The following PDGFD variants were observed in gnomAD, a reference collection of about 807,000 sequenced individuals.
The protein encoded by PDGFD is platelet-derived growth factor D.
Under a neutral mutation model 44.7 loss-of-function variants are expected in PDGFD, and 30 were observed. The observed-to-expected ratio is 0.67, with a 90% CI of 0.50 to 0.91. PDGFD has a LOEUF of 0.91. Among genes scored for constraint, PDGFD ranks in the 40% least tolerant of loss-of-function variants. PDGFD has a pLI of 0.00. For missense variants in PDGFD, 445 were observed against 457.8 expected, an observed-to-expected ratio of 0.97 and a Z score of 0.25; for synonymous variants, 173 against 168.4, an observed-to-expected ratio of 1.03 and a Z score of -0.21.
intron 1 of PDGFD, among the ~76,000 whole-genome samples, chr11:104,101,003 T>C (rs1398313285): frequency 3.7e-4 from 56 of 152,160 alleles, no homozygotes; most frequent in Admixed American, 3.3e-3. Context: ...TCATACTGAA[T>C]GGGCAAAAAC....
At chr11:103,912,054 C>A (rs1858036811) in intron 6 of PDGFD, among the ~76,000 whole-genome samples, 1 of 152,162 alleles carries the variant, frequency 6.6e-6, no homozygotes, top group Non-Finnish European at 1.5e-5. Context: ...GGAAAACACT[C>A]TTCAGGGTAT....
intron 3 of PDGFD, among the ~76,000 whole-genome samples, chr11:103,962,358 G>A (rs369418020): frequency 1.4e-3 from 206 of 152,186 alleles, no homozygotes; most frequent in South Asian, 0.01. Flanking sequence ...AATCCCTTAA[G>A]TACTTTATGA....
chr11:104,116,599 CA>C (rs1317542045), intron 1 of PDGFD, among the ~76,000 whole-genome samples: 1 of 151,916 alleles, frequency 6.6e-6, no homozygotes, highest in African/African-American at 2.4e-5. Flanking sequence ...AACTACAGAC[CA>C]ATATCCCTGA....
intron 1 of PDGFD, among the ~76,000 whole-genome samples, chr11:104,142,121 C>G (rs1166322410): frequency 6.6e-6 from 1 of 152,106 alleles, no homozygotes; most frequent in Non-Finnish European, 1.5e-5. Context: ...ATATCACATA[C>G]ACATCCTTAT....
At chr11:104,029,507 T>C (rs1409329389) in intron 1 of PDGFD, among the ~76,000 whole-genome samples, 1 of 152,226 alleles carries the variant, frequency 6.6e-6, no homozygotes, top group Admixed American at 6.5e-5. Flanking sequence ...TATAAGACAG[T>C]TGTGGAAACA....
At chr11:103,982,386 T>C (rs1252664752) in intron 3 of PDGFD, among the ~76,000 whole-genome samples, 1 of 151,828 alleles carries the variant, frequency 6.6e-6, no homozygotes, top group African/African-American at 2.4e-5. Context: ...TAATAGACGC[T>C]GCAGGTGTGA....
intron 1 of PDGFD, among the ~76,000 whole-genome samples, chr11:104,130,064 G>A (rs576157437): frequency 6.6e-6 from 1 of 150,718 alleles, no homozygotes; most frequent in Non-Finnish European, 1.5e-5. Context: ...GGGAATTAAA[G>A]GGGGTTGACA....
chr11:104,030,318 C>A (rs1161438225), intron 1 of PDGFD, among the ~76,000 whole-genome samples: 2 of 152,182 alleles, frequency 1.3e-5, no homozygotes, highest in African/African-American at 4.8e-5. Flanking sequence ...ACGCAGACAA[C>A]ATCCACCTAG....
intron 1 of PDGFD, among the ~76,000 whole-genome samples, chr11:104,065,037 T>G (rs1190406953): frequency 1.3e-5 from 2 of 152,172 alleles, no homozygotes; most frequent in Non-Finnish European, 2.9e-5. Flanking sequence ...GCTGTCAGCA[T>G]GGCCAGAATA....
intron 1 of PDGFD, among the ~76,000 whole-genome samples, chr11:104,064,507 T>A (rs763852431): frequency 6.6e-6 from 1 of 152,158 alleles, no homozygotes; most frequent in Non-Finnish European, 1.5e-5. Context: ...ACTCAGTACA[T>A]AGATGACAGT....
intron 1 of PDGFD, among the ~76,000 whole-genome samples, chr11:104,088,608 T>C (rs1253341557): frequency 6.6e-6 from 1 of 152,180 alleles, no homozygotes; most frequent in Non-Finnish European, 1.5e-5. Context: ...TATTACAACT[T>C]GGGAGGAACT....
chr11:104,034,072 C>A (rs868019419), intron 1 of PDGFD, among the ~76,000 whole-genome samples: 2 of 152,204 alleles, frequency 1.3e-5, no homozygotes, highest in Non-Finnish European at 2.9e-5. Context: ...GCGCACCCTG[C>A]ATGGCTGACT....
At chr11:104,073,490 A>G (rs1282225471) in intron 1 of PDGFD, among the ~76,000 whole-genome samples, 3 of 152,178 alleles carry the variant, frequency 2.0e-5, no homozygotes, top group Non-Finnish European at 4.4e-5. Flanking sequence ...TTGTAACTCA[A>G]TTTCTTATGA....
At chr11:104,019,755 T>C (rs191314950) in intron 1 of PDGFD, among the ~76,000 whole-genome samples, 11 of 152,250 alleles carry the variant, frequency 7.2e-5, no homozygotes, top group Admixed American at 2.6e-4. Context: ...GGAAGGGAGA[T>C]AAATGGCTGC....
chr11:103,916,961 T>G (rs963151775), intron 6 of PDGFD, among the ~76,000 whole-genome samples: 2 of 152,014 alleles, frequency 1.3e-5, no homozygotes, highest in African/African-American at 4.8e-5. Context: ...AGGGAAGGGA[T>G]AGCATTAGGA....
At chr11:103,985,662 A>G (rs1291544516) in intron 3 of PDGFD, among the ~76,000 whole-genome samples, 2 of 149,288 alleles carry the variant, frequency 1.3e-5, no homozygotes, top group African/African-American at 5.2e-5. Flanking sequence ...TCTGGACTAA[A>G]GAATATGTGT....
chr11:103,931,787 T>C (rs890252620), intron 5 of PDGFD, among the ~76,000 whole-genome samples: 1 of 152,172 alleles, frequency 6.6e-6, no homozygotes, highest in Non-Finnish European at 1.5e-5. Flanking sequence ...AGTTTCACCA[T>C]GTTGGCACCA....
At chr11:103,961,242 G>A (rs1012625298) in intron 3 of PDGFD, among the ~76,000 whole-genome samples, 1 of 152,164 alleles carries the variant, frequency 6.6e-6, no homozygotes, top group African/African-American at 2.4e-5. Flanking sequence ...CAAATGAGAT[G>A]AGTAATGTAA....
At chr11:104,071,944 T>G (rs1326652027) in intron 1 of PDGFD, among the ~76,000 whole-genome samples, 1 of 151,874 alleles carries the variant, frequency 6.6e-6, no homozygotes, top group Non-Finnish European at 1.5e-5. Context: ...CTAGTCTATT[T>G]ATATATTCAT....
Sources: gnomAD v4.1 joint callset for allele counts (sites outside exome capture counted in the v4.1 genomes callset) on GRCh38, gnomAD v4.1.1 for gene constraint, MANE v1.5 for transcripts, NCBI Gene and HGNC (gene_info 2026-07-23, HGNC 2026-07-21) for gene names.